DLGAP3: variants seen among roughly 807,000 people sequenced by gnomAD.
DLGAP3 encodes the protein DLG associated protein 3.
DLGAP3 carries 17 observed loss-of-function variants against 81.2 expected under a neutral mutation model. The observed-to-expected ratio is 0.21, with a 90% confidence interval of 0.14 to 0.31. The LOEUF is 0.31. Among genes scored for constraint, DLGAP3 ranks in the 10% least tolerant of loss-of-function variants. The pLI, the probability that DLGAP3 is intolerant of heterozygous loss-of-function variation, is 1.00. For synonymous variants in DLGAP3, 577 were observed against 587.4 expected, an observed-to-expected ratio of 0.98 and a Z score of 0.26; for missense variants, 1,124 against 1,388.0, an observed-to-expected ratio of 0.81 and a Z score of 3.02.
In DLGAP3 at chr1:34,865,840, G is replaced by T. The variant is rs957739973; in HGVS notation, c.*243C>A. 7 of 617,210 alleles carry T rather than the reference G, an allele frequency of 1.1e-5. No individual in the cohort carries two copies. The highest frequency in any genetic ancestry group is 5.8e-5 in the African/African-American group (3 of 51,800). The allele number at this position is 617,210 out of a possible 1,614,324, so 38.2% of individuals were successfully genotyped here. A position where few individuals can be genotyped will look rare whatever the true frequency, so the allele number is the denominator to read the frequency against. On this transcript the variant is annotated 3_prime_UTR_variant, in exon 12 of 12. Transcript: ENST00000373347. ...TGGGGACAAAGCGTCGGACCAGGTG[G>T]GCAGGGGATCCAGGTGAGGGGCGCA...
chr1:34,926,049 A>G (rs1234281465), intron 1 of DLGAP3, among the ~76,000 whole-genome samples: 1 of 152,196 alleles, frequency 6.6e-6, no homozygotes, highest in African/African-American at 2.4e-5. Flanking sequence ...TGAACATGTC[A>G]GCTAGCCTGT....
Position 34,902,245 on chromosome 1 carries a change from C to T in DLGAP3, c.1108-1972G>A, listed in dbSNP as rs1052850802. Among the ~76,000 whole-genome samples the T allele has an allele frequency of 6.6e-5, 10 of 152,052 alleles. No homozygotes were observed. Among genetic ancestry groups the T allele is most frequent in the African/African-American group, 1.9e-4 (8 of 41,464 alleles). On this transcript the variant is annotated intron_variant, in intron 3 of 11. Transcript: ENST00000373347. The surrounding 1 kb of genome is among the most constrained non-coding windows in gnomAD (Gnocchi z 4.4). ...GGGATGGGAGCTCCAAAAGGGGTAA[C>T]GCCTCAGGGACAGCATAGGGTTCAG...
intron 1 of DLGAP3, among the ~76,000 whole-genome samples, chr1:34,908,542 A>G (rs1639593262): frequency 2.0e-5 from 3 of 152,214 alleles, no homozygotes; most frequent in South Asian, 2.1e-4. Flanking sequence ...AAGGAAGACG[A>G]CTCTGAAGTT....
At chr1:34,898,630 G>T (rs1272121347) in intron 5 of DLGAP3, among the ~76,000 whole-genome samples, 1 of 152,162 alleles carries the variant, frequency 6.6e-6, no homozygotes, top group Non-Finnish European at 1.5e-5. Context: ...CCTTTATTGA[G>T]TGCTGGCTAT....
chr1:34,910,971 TATG>T (rs1639630136), intron 1 of DLGAP3, among the ~76,000 whole-genome samples: 1 of 152,040 alleles, frequency 6.6e-6, no homozygotes, highest in Non-Finnish European at 1.5e-5. Flanking sequence ...TGCTTTCGTT[TATG>T]ATATTTTATG....
chr1:34,905,021 G>T lies in DLGAP3; in HGVS notation c.363C>A (p.Leu121=). 6.2e-7 allele frequency: 1 copy of T among 1,610,560 alleles called. No homozygotes were observed. The highest frequency in any genetic ancestry group is 8.5e-7 in the Non-Finnish European group (1 of 1,178,420). The change falls in exon 3 of 12, where the codon CTC becomes CTA. Residue 121 remains leucine, a synonymous_variant. Transcript: ENST00000373347. The part of the protein sequence containing the change: ...GKGAPRLPPT[L]LDQFEKQLPV... ...GCAACTGCTTTTCAAACTGATCCAG[G>T]AGTGTAGGAGGCAGGCGGGGGGCAC...
intron 8 of DLGAP3, among the ~76,000 whole-genome samples, chr1:34,876,201 C>T (rs1166418093): frequency 3.3e-5 from 5 of 152,168 alleles, no homozygotes; most frequent in African/African-American, 4.8e-5. Flanking sequence ...GGGTGCCAGC[C>T]CCCTCCCCTT....
At chr1:34,925,178 T>G (rs1639850290) in intron 1 of DLGAP3, among the ~76,000 whole-genome samples, 2 of 131,856 alleles carry the variant, frequency 1.5e-5, no homozygotes, top group African/African-American at 3.6e-5. Context: ...CGGGGGCACC[T>G]GACAACCCCC....
At position 34,895,566 on chromosome 1, in the gene DLGAP3, A is replaced by G. The variant is rs894669179; in HGVS notation, c.1386+4103T>C. Among the ~76,000 whole-genome samples, 6 of 152,114 alleles carry G rather than the reference A, an allele frequency of 3.9e-5. No homozygotes were observed. The highest frequency in any genetic ancestry group is 5.9e-5 in the Non-Finnish European group (4 of 68,016). On this transcript the variant is annotated intron_variant, in intron 5 of 11. Coordinates refer to ENST00000373347, the MANE Select transcript of DLGAP3 (RefSeq NM_001080418.3). This position sits in a 1 kb window ranked among gnomAD's most constrained non-coding sequence, Gnocchi z 4.5. ...ATTCCCAACTATATTTTTTATAGAA[A>G]TCAACAAGCCTACCCAAAATCCATG...
At position 34,891,271 on chromosome 1, in the gene DLGAP3, C is replaced by T. The variant is rs543976810; in HGVS notation, c.1387-4986G>A. ...CTATCAGTTGCAATACTTCAACAAA[C>T]GTGGTGCCGCCTGTGAAAAATCAGC... On this transcript the variant is annotated intron_variant, in intron 5 of 11. Coordinates refer to ENST00000373347, the MANE Select transcript of DLGAP3 (RefSeq NM_001080418.3). Among the ~76,000 whole-genome samples, 10 of 152,324 alleles carry T rather than the reference C, an allele frequency of 6.6e-5. No homozygotes were observed. The East Asian group carries it at 9.6e-4, about 15-fold the overall frequency.
intron 1 of DLGAP3, among the ~76,000 whole-genome samples, chr1:34,928,731 G>GCACACACA (rs147710532): frequency 6.7e-6 from 1 of 148,912 alleles, no homozygotes; most frequent in Non-Finnish European, 1.5e-5. Flanking sequence ...GCGCGCACAC[G>GCACACACA]CACACACACA....
rs1227674244 is a variant in DLGAP3 at position 34,900,015 on chromosome 1, G to A, written c.1313+53C>T. 2 of 1,493,266 alleles carry A rather than the reference G, an allele frequency of 1.3e-6. No individual in the cohort carries two copies. Among genetic ancestry groups the A allele is most frequent in the Non-Finnish European group, 1.8e-6 (2 of 1,082,766 alleles). 92.5% of individuals were successfully genotyped at this position (1,493,266 alleles called of 1,614,324 possible). ...CCCACTCTACACACATCTCCCGCAG[G>A]AGTCCAGCATCAGCCTCCTGACCCC... On this transcript the variant is annotated intron_variant, in intron 4 of 11. Transcript: ENST00000373347. The surrounding 1 kb of genome is among the most constrained non-coding windows in gnomAD (Gnocchi z 5.6).
Position 34,900,370 on chromosome 1 carries a change from G to A in DLGAP3, c.1108-97C>T. On this transcript the variant is annotated intron_variant, in intron 3 of 11. Coordinates refer to ENST00000373347, the MANE Select transcript of DLGAP3 (RefSeq NM_001080418.3). The surrounding 1 kb of genome is among the most constrained non-coding windows in gnomAD (Gnocchi z 5.6). ...TGCCAGTGGGAGATGCCCTGCCCTG[G>A]CTTGAACAGGCACACTCAGGTACAT... 7.9e-7 allele frequency: 1 copy of A among 1,264,822 alleles called. No individual in the cohort carries two copies. 78.3% of individuals were successfully genotyped at this position (1,264,822 alleles called of 1,614,324 possible). A position where few individuals can be genotyped will look rare whatever the true frequency, so the allele number is the denominator to read the frequency against.
intron 7 of DLGAP3, 35 bp downstream of exon 7, chr1:34,885,443 G>A (rs779289140): frequency 2.5e-6 from 4 of 1,601,516 alleles, no homozygotes; most frequent in Non-Finnish European, 2.5e-6. Context: ...ACCGACCAGG[G>A]TCAGAGCCCT....
At chr1:34,892,534 A>C (rs909702755) in intron 5 of DLGAP3, among the ~76,000 whole-genome samples, 2 of 152,112 alleles carry the variant, frequency 1.3e-5, no homozygotes, top group Non-Finnish European at 2.9e-5. Flanking sequence ...ATGAGGTCTC[A>C]CTATGTTGCC....
At position 34,904,853 on chromosome 1, in the gene DLGAP3, C is replaced by T; in HGVS notation, c.531G>A (p.Val177=). 1 of 1,610,156 alleles carries T rather than the reference C, an allele frequency of 6.2e-7. No individual in the cohort carries two copies. Among genetic ancestry groups the T allele is most frequent in the Non-Finnish European group, 8.5e-7 (1 of 1,180,020 alleles). The change falls in exon 3 of 12, where the codon GTG becomes GTA. Residue 177 remains valine, a synonymous_variant. Transcript: ENST00000373347. This position sits in a 1 kb window ranked among gnomAD's most constrained non-coding sequence, Gnocchi z 8.1. ...PSRIRHLVHS[V]QKLFAKSHSL... is the part of the protein sequence containing the mutation. ...AGTGGGACTTGGCAAAGAGCTTCTG[C>T]ACAGAATGAACCAGGTGCCGGATGC...
intron 5 of DLGAP3, among the ~76,000 whole-genome samples, chr1:34,887,347 A>T (rs1449739637): frequency 1.3e-5 from 2 of 151,702 alleles, no homozygotes; most frequent in East Asian, 3.9e-4. Flanking sequence ...AAGCTTAGCC[A>T]TTGCTGGATG....
In DLGAP3 at chr1:34,866,288, A is replaced by T; in HGVS notation, c.2735T>A (p.Val912Asp). The T allele has an allele frequency of 3.9e-6, 6 of 1,528,508 alleles. No individual in the cohort carries two copies. The highest frequency in any genetic ancestry group is 5.3e-6 in the Non-Finnish European group (6 of 1,137,394). The allele number at this position is 1,528,508 out of a possible 1,614,324, so 94.7% of individuals were successfully genotyped here. A position where few individuals can be genotyped will look rare whatever the true frequency, so the allele number is the denominator to read the frequency against. The stretch of plus-strand genomic sequence containing the variant: ...GGGCTTCTTTGGTATCGGCGGAGGG[A>T]CCTTCTTCTCCTCCTGCGGGGCAGA... ...KLLEPKEEKK[V>D]PPPIPKKPLR... Residue 912 changes from valine (V) to aspartate (D), a missense_variant, in exon 12 of 12, where the codon GTC (valine) becomes GAC (aspartate). Physicochemically the swap from Val to Asp is radical, Grantham distance 152. This residue lies in a region of DLGAP3 where 133 missense variants were observed against 171.1 expected (regional missense o/e 0.78). Transcript: ENST00000373347.
chr1:34,865,936 G>T lies in DLGAP3; in HGVS notation c.*147C>A. ...GGGATCAGGAAGGTAAAAAACCCAC[G>T]AGAGTGTGACGGGCCCGGGGGCCGG... On this transcript the variant is annotated 3_prime_UTR_variant, in exon 12 of 12. Transcript: ENST00000373347. The T allele has an allele frequency of 1.3e-6, 1 of 754,554 alleles. No individual in the cohort carries two copies. Among genetic ancestry groups the T allele is most frequent in the South Asian group, 1.6e-5 (1 of 64,228 alleles). The allele number at this position is 754,554 out of a possible 1,614,324, so 46.7% of individuals were successfully genotyped here. A position where few individuals can be genotyped will look rare whatever the true frequency, so the allele number is the denominator to read the frequency against.
Sources: allele counts gnomAD v4.1 joint callset (sites outside exome capture counted in the v4.1 genomes callset), GRCh38; gene constraint gnomAD v4.1.1; regional missense constraint gnomAD v4.1.1; non-coding constraint Gnocchi (gnomAD v3.1); transcripts MANE v1.5; gene names NCBI Gene and HGNC (gene_info 2026-07-23, HGNC 2026-07-21).